The following DNAH7 variants were observed in gnomAD, a reference collection of about 807,000 sequenced individuals.
DNAH7 encodes axonemal beta dynein heavy chain 7.
In DNAH7, 397 loss-of-function variants were observed where a neutral mutation model predicts 444.6. The observed-to-expected ratio is 0.89, with a 90% CI of 0.82 to 0.97. DNAH7 has a LOEUF of 0.97. DNAH7 is among the 50% of genes least tolerant of loss of function. The probability of loss-of-function intolerance (pLI) is 0.00; values close to 1 mark genes in which losing one functional copy is unlikely to be tolerated. For missense variants in DNAH7, 4,902 were observed against 4,800.8 expected (o/e 1.02, Z -0.62); for synonymous variants, 1,636 against 1,624.4 (o/e 1.01, Z -0.17).
chr2:195,939,169 C>A (rs1160633063), intron 19 of DNAH7, among the ~76,000 whole-genome samples: 2 of 152,050 alleles, frequency 1.3e-5, no homozygotes, highest in Admixed American at 6.6e-5. Flanking sequence ...CCTTTTACTC[C>A]CCCTTTCCTT....
chr2:195,814,432 C>T (rs1019527680), intron 51 of DNAH7, among the ~76,000 whole-genome samples: 1 of 152,124 alleles, frequency 6.6e-6, no homozygotes, highest in Non-Finnish European at 1.5e-5. Context: ...AATGAAGAAA[C>T]AAATTTCATA....
rs753589977 is a variant in DNAH7 at position 195,960,649 on chromosome 2, G to C, written c.2502C>G (p.Phe834Leu). The change falls in exon 18 of 65, where the codon TTC becomes TTG. Residue 834 changes from phenylalanine (F) to leucine (L), a missense_variant. By Grantham distance (22) the Phe-to-Leu change is conservative (BLOSUM62 0). Transcript: ENST00000312428. ...TKKVRSKVED[F>L]KQHIPLIQVI... ...CTTGAATGAGAGGAATGTGCTGCTT[G>C]AAATCTTCCACCTTTGATCTTACTT... 3.1e-6 allele frequency: 5 copies of C among 1,614,116 alleles called. No homozygotes were observed. The African/African-American group carries it at 5.3e-5, about 17-fold the overall frequency.
At chr2:196,002,710 T>TA (rs1694116091) in intron 10 of DNAH7, among the ~76,000 whole-genome samples, 1 of 152,104 alleles carries the variant, frequency 6.6e-6, no homozygotes, top group African/African-American at 2.4e-5. Context: ...GTAGAAGATA[T>TA]AAAAAATATG....
At chr2:196,015,148 C>A (rs749797635) in intron 9 of DNAH7, among the ~76,000 whole-genome samples, 4 of 151,978 alleles carry the variant, frequency 2.6e-5, no homozygotes, top group Non-Finnish European at 5.9e-5. Flanking sequence ...GGCTAGGATT[C>A]CCTCAAATGG....
intron 25 of DNAH7, among the ~76,000 whole-genome samples, chr2:195,908,358 T>C (rs893688814): frequency 1.3e-5 from 2 of 152,110 alleles, no homozygotes; most frequent in Non-Finnish European, 2.9e-5. Context: ...TATCATACCA[T>C]TTTGGTATCC....
chr2:195,922,179 T>C lies in DNAH7; in HGVS notation c.3844A>G (p.Lys1282Glu). The C allele has an allele frequency of 1.2e-6, 2 of 1,608,874 alleles. No homozygotes were observed. The highest frequency in any genetic ancestry group is 1.7e-6 in the Non-Finnish European group (2 of 1,175,396). The change falls in exon 24 of 65, where the codon AAA (lysine) becomes GAA (glutamate). Residue 1282 changes from lysine (K) to glutamate (E), a missense_variant. Physicochemically the swap from Lys to Glu is moderately conservative, Grantham distance 56. Transcript: ENST00000312428. ...YYWQENHLETKMINAGLRYGY... is the reference protein window; with the variant it reads ...YYWQENHLETEMINAGLRYGY... ...TATCGCAAACCAGCATTGATCATTT[T>C]TGTTTCTAAATGATTTTCCTAGGAT...
Position 196,058,119 on chromosome 2 carries a change from G to GT in DNAH7, c.16-4dup. The GT allele has an allele frequency of 6.4e-7, 1 of 1,574,592 alleles. No homozygotes were observed. On this transcript the variant is annotated splice_region_variant and splice_polypyrimidine_tract_variant and intron_variant, in intron 1 of 64. Transcript: ENST00000312428. ...TTTTCTTTGCTGGCCGATTTATCCTGTATGAAAAACATGAAAAAACAAAAC... is the reference window on the plus strand; with the variant it reads ...TTTTCTTTGCTGGCCGATTTATCCTGTTATGAAAAACATGAAAAAACAAAAC...
In DNAH7 at chr2:195,996,428, CTT is replaced by C. The variant is rs5837486; in HGVS notation, c.1353+4274_1353+4275del. Among the ~76,000 whole-genome samples the C allele has an allele frequency of 1.3e-3, 183 of 144,588 alleles. 2 individuals are homozygous for C. The highest frequency in any genetic ancestry group is 4.1e-3 in the African/African-American group (162 of 39,436). The allele number at this position is 144,588 out of a possible 152,430, so 94.9% of individuals were successfully genotyped here. On this transcript the variant is annotated intron_variant, in intron 12 of 64. Coordinates refer to ENST00000312428, the MANE Select transcript of DNAH7 (RefSeq NM_018897.3). ...GGTTTATTACCTGAACCAACTTAAT[CTT>C]TTTTTTTTTTTTTGAGACAGAGTCT... is the stretch of plus-strand genomic sequence containing the variant.
chr2:196,003,992 G>A (rs1384180451), intron 10 of DNAH7, among the ~76,000 whole-genome samples: 1 of 152,158 alleles, frequency 6.6e-6, no homozygotes, highest in African/African-American at 2.4e-5. Context: ...GTAAGGTGTG[G>A]TTACAGACTA....
intron 61 of DNAH7, among the ~76,000 whole-genome samples, chr2:195,756,800 T>G: frequency 6.6e-6 from 1 of 152,088 alleles, no homozygotes; most frequent in African/African-American, 2.4e-5. Context: ...AAGACTAGAC[T>G]GGGCCACATG....
At position 195,816,886 on chromosome 2, in the gene DNAH7, G is replaced by T; in HGVS notation, c.9503C>A (p.Ala3168Asp). The change falls in exon 51 of 65, where the codon GCT becomes GAT. Residue 3168 changes from alanine (A) to aspartate (D), a missense_variant. Transcript: ENST00000312428. ...SEGNILEDET[A>D]IKILSSSKAL... ...CTTGGAGGAAGATAATATCTTAATAGCAGTTTCATCTTCTAATATATTGCC... is the reference window on the plus strand; with the variant it reads ...CTTGGAGGAAGATAATATCTTAATATCAGTTTCATCTTCTAATATATTGCC... 1 of 1,614,062 alleles carries T rather than the reference G, an allele frequency of 6.2e-7. No individual in the cohort carries two copies. The highest frequency in any genetic ancestry group is 8.5e-7 in the Non-Finnish European group (1 of 1,179,960).
At chr2:195,770,769 G>A (rs1001705308) in intron 61 of DNAH7, among the ~76,000 whole-genome samples, 1 of 152,002 alleles carries the variant, frequency 6.6e-6, no homozygotes, top group Non-Finnish European at 1.5e-5. Context: ...TGTTGCCTGG[G>A]CTGGGTAGGA....
intron 14 of DNAH7, among the ~76,000 whole-genome samples, chr2:195,985,702 C>CACA (rs1470718896): frequency 2.0e-5 from 3 of 152,100 alleles, no homozygotes; most frequent in African/African-American, 7.2e-5. Context: ...GTAGAACTGG[C>CACA]ACAAGCTCAG....
chr2:195,850,296 A>G (rs1699280941), intron 46 of DNAH7, among the ~76,000 whole-genome samples: 1 of 150,896 alleles, frequency 6.6e-6, no homozygotes, highest in African/African-American at 2.4e-5. Context: ...AAAAAAAAAA[A>G]AGGGGAGAGA....
At chr2:195,790,478 A>G (rs573474307) in intron 57 of DNAH7, among the ~76,000 whole-genome samples, 4 of 151,660 alleles carry the variant, frequency 2.6e-5, no homozygotes, top group African/African-American at 7.3e-5. Flanking sequence ...AAAAAAAAAA[A>G]AAAGAAAAAC....
intron 21 of DNAH7, 39 bp from the exon 22 acceptor site, chr2:195,926,605 T>C: frequency 6.5e-7 from 1 of 1,532,852 alleles, no homozygotes; most frequent in South Asian, 1.3e-5. Context: ...AACCATTTCC[T>C]GAACAAGTTA....
At chr2:196,053,397 C>G (rs891601091) in intron 2 of DNAH7, among the ~76,000 whole-genome samples, 2 of 152,172 alleles carry the variant, frequency 1.3e-5, no homozygotes, top group African/African-American at 4.8e-5. Flanking sequence ...TTTGCCCAAG[C>G]ATAACTAGTA....
At chr2:196,002,000 T>G (rs1694066657) in intron 10 of DNAH7, 142 bp from the exon 11 acceptor site, 1 of 566,474 alleles carries the variant, frequency 1.8e-6, no homozygotes, top group South Asian at 5.1e-5. Context: ...CTCTCCGAAA[T>G]GTAAGTGTTA....
At chr2:195,858,863 A>T (rs955491664) in intron 42 of DNAH7, 59 bp from the exon 43 acceptor site, 25 of 1,425,300 alleles carry the variant, frequency 1.8e-5, no homozygotes, top group Non-Finnish European at 2.4e-5. Flanking sequence ...ACATGAAGGA[A>T]AAACTTAAGT....
Sources: gnomAD v4.1 joint callset for allele counts (sites outside exome capture counted in the v4.1 genomes callset) on GRCh38, gnomAD v4.1.1 for gene constraint, MANE v1.5 for transcripts, NCBI Gene and HGNC (gene_info 2026-07-23, HGNC 2026-07-21) for gene names.